Variants in UBAC2 observed in about 807,000 individuals in gnomAD.
UBAC2 encodes ubiquitin-associated domain-containing protein 2.
In UBAC2, 26 loss-of-function variants were observed where a neutral mutation model predicts 44.0. The observed-to-expected ratio is 0.59, with a 90% CI of 0.43 to 0.82. UBAC2 has a LOEUF of 0.82. Ranked by LOEUF, UBAC2 falls within the 40% of genes least tolerant of loss-of-function variation. The pLI, the probability that UBAC2 is intolerant of heterozygous loss-of-function variation, is 0.00. For synonymous variants in UBAC2, 155 were observed against 154.3 expected (o/e 1.00, Z -0.04); for missense variants, 329 against 419.4 (o/e 0.78, Z 1.88).
In UBAC2 at chr13:99,341,357, G is replaced by A. The variant is rs1216568287; in HGVS notation, c.807+792G>A. Among the ~76,000 whole-genome samples the A allele has an allele frequency of 5.5e-5, 8 of 146,734 alleles. 1 individual carries two copies. Among genetic ancestry groups the A allele is most frequent in the Non-Finnish European group, 1.2e-4 (8 of 67,430 alleles). On this transcript the variant is annotated intron_variant, in intron 7 of 8. Transcript: ENST00000403766. ...GCAGATCTCACGATGGTTTGGAGAA[G>A]TGAAATCAGGTTTGAGGTCCTTAGA...
chr13:99,305,342 AC>A (rs1306047375), intron 4 of UBAC2, among the ~76,000 whole-genome samples: 4 of 151,714 alleles, frequency 2.6e-5, no homozygotes, highest in African/African-American at 7.3e-5. Flanking sequence ...AAGGTGATAA[AC>A]CCCCCAGACT....
intron 4 of UBAC2, among the ~76,000 whole-genome samples, chr13:99,258,851 A>C (rs565673315): frequency 6.6e-6 from 1 of 152,352 alleles, no homozygotes; most frequent in East Asian, 1.9e-4. Context: ...CTACCAAGTT[A>C]TTAAAAATCA....
intron 7 of UBAC2, among the ~76,000 whole-genome samples, chr13:99,358,789 G>A (rs2045224940): frequency 6.6e-6 from 1 of 152,166 alleles, no homozygotes; most frequent in Non-Finnish European, 1.5e-5. Flanking sequence ...GTGGATGGAT[G>A]TGGATGTCAC....
chr13:99,306,518 T>TC (rs2044338587), intron 4 of UBAC2, among the ~76,000 whole-genome samples: 1 of 151,588 alleles, frequency 6.6e-6, no homozygotes, highest in South Asian at 2.1e-4. Context: ...CACGCCCCCC[T>TC]CCCCCAACAC....
At chr13:99,240,492 G>C (rs752651061) in intron 2 of UBAC2, among the ~76,000 whole-genome samples, 8 of 152,152 alleles carry the variant, frequency 5.3e-5, no homozygotes, top group Non-Finnish European at 1.2e-4. Context: ...TCCCTGAGTA[G>C]AGTATTTTCA....
chr13:99,226,642 G>A (rs917106210), intron 1 of UBAC2, among the ~76,000 whole-genome samples: 3 of 152,222 alleles, frequency 2.0e-5, no homozygotes, highest in Non-Finnish European at 2.9e-5. Context: ...ATAATGGCCT[G>A]TAGGGCTCTG....
At chr13:99,266,201 ATAT>A (rs1246590333) in intron 4 of UBAC2, among the ~76,000 whole-genome samples, 14 of 151,658 alleles carry the variant, frequency 9.2e-5, no homozygotes. Flanking sequence ...GAATATTTCT[ATAT>A]TATATTACAT....
intron 6 of UBAC2, among the ~76,000 whole-genome samples, chr13:99,331,861 C>G (rs77914076): frequency 6.6e-6 from 1 of 151,586 alleles, no homozygotes; most frequent in Non-Finnish European, 1.5e-5. Context: ...CTGTTTTGCT[C>G]CTTACTATGT....
intron 1 of UBAC2, among the ~76,000 whole-genome samples, chr13:99,207,341 T>C (rs2142644026): frequency 6.6e-6 from 1 of 152,344 alleles, no homozygotes; most frequent in African/African-American, 2.4e-5. Flanking sequence ...CAGGTTTAAG[T>C]AGTATTAACT....
chr13:99,340,421 C>T lies in UBAC2; in HGVS notation c.663C>T (p.Ile221=). The T allele has an allele frequency of 6.2e-7, 1 of 1,614,224 alleles. No homozygotes were observed. Among genetic ancestry groups the T allele is most frequent in the Non-Finnish European group, 8.5e-7 (1 of 1,180,048 alleles). The change falls in exon 7 of 9, where the codon ATC becomes ATT. Residue 221 remains isoleucine, a synonymous_variant. Transcript: ENST00000403766. ...TCTTTTCTTGGACACTTGAACCCAT[C>T]TTCTCTTCTTCAGAACCCACCAGCG... ...AKFFSWTLEP[I]FSSSEPTSEA...
At chr13:99,319,302 G>A (rs912041850) in intron 6 of UBAC2, among the ~76,000 whole-genome samples, 6 of 152,186 alleles carry the variant, frequency 3.9e-5, no homozygotes, top group Admixed American at 1.3e-4. Context: ...TTTAACTAGC[G>A]GTTATAGAGC....
At chr13:99,352,121 C>G (rs756259667) in intron 7 of UBAC2, among the ~76,000 whole-genome samples, 2 of 152,174 alleles carry the variant, frequency 1.3e-5, no homozygotes, top group African/African-American at 2.4e-5. Flanking sequence ...TATCATTAAT[C>G]AAGTATTTTG....
chr13:99,293,761 C>T (rs2044126185), intron 4 of UBAC2, among the ~76,000 whole-genome samples: 1 of 151,948 alleles, frequency 6.6e-6, no homozygotes, highest in South Asian at 2.1e-4. Flanking sequence ...AATTTTCATA[C>T]AGAGTAAAAG....
At chr13:99,307,585 A>C (rs2138749505) in intron 4 of UBAC2, among the ~76,000 whole-genome samples, 1 of 152,208 alleles carries the variant, frequency 6.6e-6, no homozygotes, top group Non-Finnish European at 1.5e-5. Context: ...GTGATTAAAA[A>C]AAACTATCCA....
At chr13:99,237,271 T>TATATATACACACACAC (rs374683969) in intron 1 of UBAC2, among the ~76,000 whole-genome samples, 1 of 144,928 alleles carries the variant, frequency 6.9e-6, no homozygotes, top group Admixed American at 6.9e-5. Flanking sequence ...TATATATATA[T>TATATATACACACACAC]ACACACACAC....
intron 1 of UBAC2, chr13:99,201,650 C>T: frequency 1.4e-6 from 2 of 1,472,432 alleles, no homozygotes. Context: ...AGGTAGACTG[C>T]GTGTTAACAG....
intron 1 of UBAC2, among the ~76,000 whole-genome samples, chr13:99,209,321 CTG>C (rs1306449018): frequency 6.6e-6 from 1 of 152,238 alleles, no homozygotes. Flanking sequence ...ATTCCACTGT[CTG>C]TAGCCCTGAC....
At chr13:99,285,979 AG>A (rs895661141) in intron 4 of UBAC2, among the ~76,000 whole-genome samples, 7 of 152,140 alleles carry the variant, frequency 4.6e-5, no homozygotes, top group African/African-American at 1.7e-4. Flanking sequence ...TTGACCTTGG[AG>A]CTCACAGTTG....
At chr13:99,222,622 A>G (rs1052584048) in intron 1 of UBAC2, among the ~76,000 whole-genome samples, 3 of 152,238 alleles carry the variant, frequency 2.0e-5, no homozygotes, top group African/African-American at 7.2e-5. Flanking sequence ...ATTGGGCAGG[A>G]TGAGAATGGT....
Sources: gnomAD v4.1 joint callset for allele counts (sites outside exome capture counted in the v4.1 genomes callset) on GRCh38, gnomAD v4.1.1 for gene constraint, MANE v1.5 for transcripts, NCBI Gene and HGNC (gene_info 2026-07-23, HGNC 2026-07-21) for gene names.